Variants in NAALADL2 observed in about 807,000 individuals in gnomAD.
The protein encoded by NAALADL2 is N-acetylated alpha-linked acidic dipeptidase like 2, also known as inactive N-acetylated-alpha-linked acidic dipeptidase-like protein 2.
Under a neutral mutation model 87.2 loss-of-function variants are expected in NAALADL2, and 76 were observed. The ratio of observed to expected loss-of-function variants is 0.87; its 90% CI spans 0.72 to 1.05. The LOEUF (loss-of-function observed/expected upper bound fraction) is 1.05. Ranked by LOEUF, NAALADL2 falls within the 50% of genes least tolerant of loss-of-function variation. The pLI, the probability that NAALADL2 is intolerant of heterozygous loss-of-function variation, is 0.00. For missense variants in NAALADL2, 1,089 were observed against 945.8 expected, an observed-to-expected ratio of 1.15 and a Z score of -1.99; for synonymous variants, 354 against 331.0, an observed-to-expected ratio of 1.07 and a Z score of -0.75.
intron 3 of NAALADL2, among the ~76,000 whole-genome samples, chr3:174,785,402 C>T (rs1400565153): frequency 6.6e-6 from 1 of 152,134 alleles, no homozygotes; most frequent in East Asian, 1.9e-4. Flanking sequence ...ATAAGGAGCT[C>T]TTTCACCATT....
intron 2 of NAALADL2, among the ~76,000 whole-genome samples, chr3:174,575,984 C>T (rs1384748469): frequency 6.6e-6 from 1 of 152,120 alleles, no homozygotes; most frequent in African/African-American, 2.4e-5. Flanking sequence ...CTGCCTCAGA[C>T]TCCTGAGTAG....
In NAALADL2 at chr3:174,815,846, T is replaced by A. The variant is rs867938826; in HGVS notation, c.-9+78100T>A. On this transcript the variant is annotated intron_variant, in intron 3 of 3. Transcript: ENST00000434257. ...TTGACTTTAGTTTTTTTTTTTTTTT[T>A]TTTTTTTTTTTAAGTTTCCTTTGGT... Among the ~76,000 whole-genome samples, 64 of 149,230 alleles carry A rather than the reference T, an allele frequency of 4.3e-4. 1 individual carries two copies. The highest frequency in any genetic ancestry group is 1.8e-3 in the Admixed American group (27 of 14,946).
chr3:175,056,418 G>C (rs976303576), intron 1 of NAALADL2, among the ~76,000 whole-genome samples: 1 of 152,106 alleles, frequency 6.6e-6, no homozygotes, highest in African/African-American at 2.4e-5. Flanking sequence ...AGAGTACTCA[G>C]GTGTCCTACA....
intron 1 of NAALADL2, among the ~76,000 whole-genome samples, chr3:174,476,648 C>A (rs1717235010): frequency 6.6e-6 from 1 of 152,010 alleles, no homozygotes; most frequent in Admixed American, 6.6e-5. Flanking sequence ...ATACTGTATA[C>A]ATCTTTCATG....
intron 2 of NAALADL2, among the ~76,000 whole-genome samples, chr3:174,609,461 C>G (rs1368120923): frequency 2.0e-5 from 3 of 152,056 alleles, no homozygotes; most frequent in Non-Finnish European, 4.4e-5. Flanking sequence ...GCAACTTCAG[C>G]AAAATCTCAG....
At chr3:174,973,382 T>G (rs1236054862) in intron 1 of NAALADL2, among the ~76,000 whole-genome samples, 2 of 152,198 alleles carry the variant, frequency 1.3e-5, no homozygotes, top group African/African-American at 4.8e-5. Context: ...TTAGTCAGTC[T>G]TATTAAAATT....
chr3:174,916,945 T>C lies in NAALADL2; in HGVS notation c.43+57495T>C, dbSNP rs534044242. Among the ~76,000 whole-genome samples the C allele has an allele frequency of 2.0e-5, 3 of 152,242 alleles. No homozygotes were observed. In the South Asian group the frequency reaches 6.2e-4, roughly 32 times the overall value. On this transcript the variant is annotated intron_variant, in intron 1 of 13. Coordinates refer to ENST00000454872, the MANE Select transcript of NAALADL2 (RefSeq NM_207015.3). ...ATTAATATATAGCATCTAGTGTCAT[T>C]ATCTCTACTAGATTTCATACATTAT...
chr3:174,908,246 G>A (rs552825587), intron 1 of NAALADL2, among the ~76,000 whole-genome samples: 4 of 151,934 alleles, frequency 2.6e-5, no homozygotes, highest in African/African-American at 4.8e-5. Flanking sequence ...CATTACTATC[G>A]TCTCTTGTTT....
intron 2 of NAALADL2, among the ~76,000 whole-genome samples, chr3:175,131,265 A>G (rs1045497353): frequency 2.6e-5 from 4 of 151,768 alleles, no homozygotes; most frequent in East Asian, 3.9e-4. Flanking sequence ...AAGTGAACAA[A>G]GGTCTCTGGT....
intron 5 of NAALADL2, among the ~76,000 whole-genome samples, chr3:175,381,826 C>T (rs1040355327): frequency 5.9e-5 from 9 of 152,086 alleles, no homozygotes; most frequent in Admixed American, 3.9e-4. Context: ...AAGTGACTGG[C>T]GGGTTTGGGA....
intron 2 of NAALADL2, among the ~76,000 whole-genome samples, chr3:174,591,467 C>T (rs144833293): frequency 1.2e-3 from 182 of 152,126 alleles, no homozygotes; most frequent in African/African-American, 4.0e-3. Context: ...TCTATTGATG[C>T]GGGTAAAGGA....
chr3:175,234,061 C>A lies in NAALADL2; in HGVS notation c.676C>A (p.Pro226Thr). The A allele has an allele frequency of 1.2e-6, 2 of 1,613,822 alleles. No individual in the cohort carries two copies. Among genetic ancestry groups the A allele is most frequent in the Non-Finnish European group, 1.7e-6 (2 of 1,179,842 alleles). The part of the protein sequence containing the change: ...NYSVLLDLPG[P>T]SPSTVTLSSS... Reference sequence around the variant, plus strand: ...CTCTGTGCTGCTTGATCTGCCAGGCCCTTCTCCCAGCACTGTGACTCTGAG... The same window carrying A: ...CTCTGTGCTGCTTGATCTGCCAGGCACTTCTCCCAGCACTGTGACTCTGAG... Residue 226 changes from proline to threonine, a missense_variant, in exon 3 of 14, where the codon CCT becomes ACT. Physicochemically the swap from Pro to Thr is conservative, Grantham distance 38 (BLOSUM62 -1). Transcript: ENST00000454872.
intron 1 of NAALADL2, among the ~76,000 whole-genome samples, chr3:175,037,835 C>G (rs1753603556): frequency 6.6e-6 from 1 of 152,100 alleles, no homozygotes; most frequent in Non-Finnish European, 1.5e-5. Context: ...CACGGTATCC[C>G]CATTCATGCT....
chr3:174,613,644 T>C (rs1446051923), intron 2 of NAALADL2, among the ~76,000 whole-genome samples: 4 of 152,202 alleles, frequency 2.6e-5, no homozygotes, highest in Non-Finnish European at 5.9e-5. Context: ...CAGCTTGTAG[T>C]GAGTGCTACC....
intron 4 of NAALADL2, among the ~76,000 whole-genome samples, chr3:175,277,121 T>A (rs147911459): frequency 6.6e-6 from 1 of 152,288 alleles, no homozygotes; most frequent in East Asian, 1.9e-4. Context: ...TTGTATGTCT[T>A]TAATAGACAA....
chr3:174,625,112 G>A (rs1278206128), intron 2 of NAALADL2, among the ~76,000 whole-genome samples: 4 of 139,642 alleles, frequency 2.9e-5, no homozygotes, highest in African/African-American at 1.1e-4. Context: ...GGGCTAGAGG[G>A]CAGTGGTACA....
In NAALADL2 at chr3:175,546,498, C is replaced by A. The variant is rs7642762; in HGVS notation, c.1654-29543C>A. Among the ~76,000 whole-genome samples, 1,305 of 152,032 alleles carry A rather than the reference C, an allele frequency of 8.6e-3. 24 individuals are homozygous for A. The highest frequency in any genetic ancestry group is 0.03 in the African/African-American group (1,238 of 41,460). On this transcript the variant is annotated intron_variant, in intron 9 of 13. Transcript: ENST00000454872. ...ATGATGTCATTGGTCTGTGTACTTC[C>A]GTGTGTTTTTGTAGTTTATGGTAAC...
intron 2 of NAALADL2, among the ~76,000 whole-genome samples, chr3:174,586,640 C>T (rs1358165374): frequency 1.3e-5 from 2 of 152,134 alleles, no homozygotes; most frequent in Non-Finnish European, 2.9e-5. Context: ...TTCATTTAAC[C>T]CGAACATTCT....
chr3:174,640,818 A>G (rs544084659), intron 2 of NAALADL2, among the ~76,000 whole-genome samples: 1 of 152,156 alleles, frequency 6.6e-6, no homozygotes, highest in African/African-American at 2.4e-5. Context: ...AAAGCCTGGG[A>G]TGATTTAGTT....
Sources: gnomAD v4.1 joint callset for allele counts (sites outside exome capture counted in the v4.1 genomes callset) on GRCh38, gnomAD v4.1.1 for gene constraint, MANE v1.5 for transcripts, NCBI Gene and HGNC (gene_info 2026-07-23, HGNC 2026-07-21) for gene names.